PCED1B: variants seen among roughly 807,000 people sequenced by gnomAD.
The protein encoded by PCED1B is PC-esterase domain-containing protein 1B.
For synonymous variants in PCED1B, 251 were observed against 246.1 expected (o/e 1.02, Z -0.19); for missense variants, 573 against 573.9 (o/e 1.00, Z 0.02).
intron 3 of PCED1B, among the ~76,000 whole-genome samples, chr12:47,228,233 A>G (rs1003511419): frequency 2.0e-5 from 3 of 151,964 alleles, no homozygotes; most frequent in Admixed American, 1.3e-4. Context: ...ACAGGGTTTC[A>G]CCAAGTTGCC....
chr12:47,091,951 T>C (rs1297498186), intron 1 of PCED1B, among the ~76,000 whole-genome samples: 1 of 152,144 alleles, frequency 6.6e-6, no homozygotes, highest in Non-Finnish European at 1.5e-5. Flanking sequence ...AACTTTATAA[T>C]AATAGTTTCT....
chr12:47,217,636 G>T (rs527807465), intron 3 of PCED1B, among the ~76,000 whole-genome samples: 7 of 152,098 alleles, frequency 4.6e-5, no homozygotes, highest in Non-Finnish European at 8.8e-5. Flanking sequence ...GAGTGCAGTG[G>T]TGCTATCTCT....
At chr12:47,084,537 A>G (rs1937891067) in intron 1 of PCED1B, among the ~76,000 whole-genome samples, 1 of 152,192 alleles carries the variant, frequency 6.6e-6, no homozygotes, top group African/African-American at 2.4e-5. Flanking sequence ...CCTATTCTGG[A>G]CATTTTATAT....
At chr12:47,140,445 A>G (rs1940551183) in intron 2 of PCED1B, among the ~76,000 whole-genome samples, 1 of 152,214 alleles carries the variant, frequency 6.6e-6, no homozygotes, top group Admixed American at 6.5e-5. Context: ...TGAGCTGCCA[A>G]GAAATACATA....
intron 2 of PCED1B, among the ~76,000 whole-genome samples, chr12:47,205,051 A>C (rs1942872836): frequency 6.6e-6 from 1 of 152,210 alleles, no homozygotes. Context: ...GCAGAGCCAC[A>C]GTATGGGAGA....
chr12:47,163,651 T>C (rs2137517306), intron 2 of PCED1B, among the ~76,000 whole-genome samples: 1 of 152,340 alleles, frequency 6.6e-6, no homozygotes, highest in East Asian at 1.9e-4. Flanking sequence ...TCAAATGCTT[T>C]TTCTATATCA....
chr12:47,167,533 A>G (rs1301074769), intron 2 of PCED1B, among the ~76,000 whole-genome samples: 1 of 152,140 alleles, frequency 6.6e-6, no homozygotes, highest in Non-Finnish European at 1.5e-5. Context: ...TTGTCTTTGA[A>G]TCCTGCACAT....
At position 47,126,407 on chromosome 12, in the gene PCED1B, C is replaced by G. The variant is rs143858203; in HGVS notation, c.-526+22212C>G. Among the ~76,000 whole-genome samples, 201 of 152,154 alleles carry G rather than the reference C, an allele frequency of 1.3e-3. 1 individual carries two copies. The highest frequency in any genetic ancestry group is 2.6e-3 in the Non-Finnish European group (178 of 67,948). On this transcript the variant is annotated intron_variant, in intron 2 of 3. Transcript: ENST00000546455. ...TTTATGTAATGTCACATGCAATTTG[C>G]TAAACTTTTGTTAAGCACTTCTGCA...
At chr12:47,090,845 G>A (rs1339082408) in intron 1 of PCED1B, among the ~76,000 whole-genome samples, 1 of 151,960 alleles carries the variant, frequency 6.6e-6, no homozygotes, top group Non-Finnish European at 1.5e-5. Flanking sequence ...CTATTTTGTT[G>A]TTCATGGGCC....
chr12:47,204,141 C>T (rs1030061316), intron 2 of PCED1B, among the ~76,000 whole-genome samples: 2 of 152,170 alleles, frequency 1.3e-5, no homozygotes, highest in Non-Finnish European at 2.9e-5. Context: ...GACAGGGTTT[C>T]ATTCGCTATG....
chr12:47,232,777 C>T (rs1364313872), intron 3 of PCED1B, among the ~76,000 whole-genome samples: 3 of 152,192 alleles, frequency 2.0e-5, no homozygotes, highest in Admixed American at 6.5e-5. Flanking sequence ...AACTTTTTCT[C>T]TACTCTTTTA....
intron 2 of PCED1B, among the ~76,000 whole-genome samples, chr12:47,130,393 G>A (rs1240805672): frequency 6.6e-6 from 1 of 152,114 alleles, no homozygotes; most frequent in Non-Finnish European, 1.5e-5. Context: ...CTATATGTTT[G>A]AGGCTAAATG....
At chr12:47,191,946 A>G (rs1331163246) in intron 2 of PCED1B, among the ~76,000 whole-genome samples, 1 of 152,070 alleles carries the variant, frequency 6.6e-6, no homozygotes, top group Non-Finnish European at 1.5e-5. Flanking sequence ...AGCACCTAAC[A>G]TGGCGCTTGC....
At chr12:47,176,856 AG>A (rs1374876874) in intron 2 of PCED1B, among the ~76,000 whole-genome samples, 6 of 149,768 alleles carry the variant, frequency 4.0e-5, no homozygotes, top group Non-Finnish European at 8.8e-5. Flanking sequence ...CAGTGTGGGG[AG>A]AAAAAAAAAA....
chr12:47,217,684 C>G (rs1943341519), intron 3 of PCED1B, among the ~76,000 whole-genome samples: 1 of 152,132 alleles, frequency 6.6e-6, no homozygotes, highest in Admixed American at 6.5e-5. Context: ...TCAAGCAATT[C>G]TTGTGCCTCA....
At chr12:47,109,926 T>TCGCGTCCG in intron 2 of PCED1B, among the ~76,000 whole-genome samples, 1 of 152,298 alleles carries the variant, frequency 6.6e-6, no homozygotes, top group African/African-American at 2.4e-5. Flanking sequence ...TCCCTTGTAG[T>TCGCGTCCG]AAACACCTCT....
chr12:47,180,103 C>T (rs1279932329), intron 2 of PCED1B, among the ~76,000 whole-genome samples: 4 of 152,116 alleles, frequency 2.6e-5, no homozygotes, highest in Non-Finnish European at 5.9e-5. Flanking sequence ...TCCTCACACC[C>T]CCCAACAGGC....
chr12:47,226,977 G>A (rs1943650637), intron 3 of PCED1B, among the ~76,000 whole-genome samples: 1 of 152,010 alleles, frequency 6.6e-6, no homozygotes, highest in Non-Finnish European at 1.5e-5. Flanking sequence ...TCCCCTAAAA[G>A]AGTCATTTTG....
chr12:47,112,333 C>T (rs1033897787), intron 2 of PCED1B, among the ~76,000 whole-genome samples: 1 of 152,200 alleles, frequency 6.6e-6, no homozygotes, highest in Non-Finnish European at 1.5e-5. Flanking sequence ...CTTCCAAATA[C>T]AGAGTCTTGA....
Sources: gnomAD v4.1 joint callset for allele counts (sites outside exome capture counted in the v4.1 genomes callset) on GRCh38, gnomAD v4.1.1 for gene constraint, MANE v1.5 for transcripts, NCBI Gene and HGNC (gene_info 2026-07-23, HGNC 2026-07-21) for gene names.